The following SEZ6L variants were observed in gnomAD, a reference collection of about 807,000 sequenced individuals.
SEZ6L encodes the protein seizure related 6 homolog like.
In SEZ6L, 37 loss-of-function variants were observed where a neutral mutation model predicts 106.2. That is an observed-to-expected ratio of 0.35 (90% CI 0.27 to 0.46). The LOEUF is 0.46. Ranked by LOEUF, SEZ6L falls within the 20% of genes least tolerant of loss-of-function variation. The pLI is 1.00. For synonymous variants in SEZ6L, 541 were observed against 570.4 expected, an observed-to-expected ratio of 0.95 and a Z score of 0.73; for missense variants, 1,172 against 1,332.8, an observed-to-expected ratio of 0.88 and a Z score of 1.88.
intron 9 of SEZ6L, among the ~76,000 whole-genome samples, chr22:26,332,639 G>T (rs2145971579): frequency 6.6e-6 from 1 of 152,092 alleles, no homozygotes; most frequent in Non-Finnish European, 1.5e-5. Context: ...TAGAGATGGG[G>T]GTTTCACTAT....
At chr22:26,220,842 A>G (rs2078443883) in intron 1 of SEZ6L, among the ~76,000 whole-genome samples, 1 of 152,120 alleles carries the variant, frequency 6.6e-6, no homozygotes, top group South Asian at 2.1e-4. Context: ...AATTGAGAGA[A>G]GGAGAAAGGA....
At chr22:26,268,276 C>G (rs2080252401) in intron 1 of SEZ6L, among the ~76,000 whole-genome samples, 1 of 152,124 alleles carries the variant, frequency 6.6e-6, no homozygotes, top group African/African-American at 2.4e-5. Context: ...AAGGAGATCA[C>G]CCGGTATGAA....
intron 3 of SEZ6L, among the ~76,000 whole-genome samples, chr22:26,295,790 C>T (rs2081284130): frequency 6.6e-6 from 1 of 152,160 alleles, no homozygotes; most frequent in Non-Finnish European, 1.5e-5. Flanking sequence ...GATGCAATGC[C>T]TGCCCTAAAA....
At chr22:26,253,277 A>G (rs2079670902) in intron 1 of SEZ6L, among the ~76,000 whole-genome samples, 1 of 152,140 alleles carries the variant, frequency 6.6e-6, no homozygotes, top group Non-Finnish European at 1.5e-5. Flanking sequence ...CATCACCAGC[A>G]TAGTCTTGGC....
At position 26,306,283 on chromosome 22, in the gene SEZ6L, A is replaced by G. The variant is rs1226650997; in HGVS notation, c.1514+139A>G. Reference sequence around the variant, plus strand: ...AGAAGAGCTGGGGTGGATGGCAAAGATCTTAGACACCATCAGCTTCAATCT... The same window carrying G: ...AGAAGAGCTGGGGTGGATGGCAAAGGTCTTAGACACCATCAGCTTCAATCT... On this transcript the variant is annotated intron_variant, in intron 6 of 16. Transcript: ENST00000248933. The G allele has an allele frequency of 9.7e-6, 9 of 923,848 alleles. No individual in the cohort carries two copies. The Admixed American group carries it at 1.6e-4, about 17-fold the overall frequency. The allele number at this position is 923,848 out of a possible 1,614,324, so 57.2% of individuals were successfully genotyped here.
intron 1 of SEZ6L, among the ~76,000 whole-genome samples, chr22:26,236,114 C>T (rs2078950670): frequency 6.6e-6 from 1 of 152,226 alleles, no homozygotes; most frequent in Non-Finnish European, 1.5e-5. Context: ...TCCCGTCCAC[C>T]AGTTTCCCAG....
chr22:26,210,746 A>G (rs2078133742), intron 1 of SEZ6L, among the ~76,000 whole-genome samples: 1 of 152,196 alleles, frequency 6.6e-6, no homozygotes, highest in Admixed American at 6.5e-5. Context: ...CCAAACTCCT[A>G]ATCAGAAGAG....
chr22:26,171,729 A>G (rs1468204457), intron 1 of SEZ6L, among the ~76,000 whole-genome samples: 1 of 152,214 alleles, frequency 6.6e-6, no homozygotes, highest in African/African-American at 2.4e-5. Flanking sequence ...ATTAAAGTCA[A>G]TTGATGTGCT....
chr22:26,370,071 A>T (rs1284554896), intron 13 of SEZ6L, among the ~76,000 whole-genome samples: 1 of 152,122 alleles, frequency 6.6e-6, no homozygotes, highest in Non-Finnish European at 1.5e-5. Context: ...AGGGAAGAAA[A>T]ATTAGCAGGA....
At chr22:26,351,292 A>C in intron 12 of SEZ6L, 49 bp downstream of exon 12, 1 of 1,561,154 alleles carries the variant, frequency 6.4e-7, no homozygotes, top group Non-Finnish European at 8.8e-7. Flanking sequence ...AAGCAGATTC[A>C]CTTTCTCTTG....
intron 10 of SEZ6L, 94 bp downstream of exon 10, chr22:26,340,726 G>A: frequency 9.8e-7 from 1 of 1,025,378 alleles, no homozygotes. Flanking sequence ...TTGTACTACA[G>A]CGATTTTTCA....
intron 7 of SEZ6L, 51 bp downstream of exon 7, chr22:26,310,887 G>A: frequency 6.4e-7 from 1 of 1,573,120 alleles, no homozygotes; most frequent in Non-Finnish European, 8.7e-7. Context: ...GGGGTAGCCT[G>A]GGAGCAGGGA....
chr22:26,249,247 T>G (rs1170471315), intron 1 of SEZ6L, among the ~76,000 whole-genome samples: 1 of 152,202 alleles, frequency 6.6e-6, no homozygotes, highest in Non-Finnish European at 1.5e-5. Flanking sequence ...CATCTAGTGC[T>G]ATAGAACATG....
chr22:26,351,226 G>A lies in SEZ6L; in HGVS notation c.2582G>A (p.Arg861His), dbSNP rs922397962. ...ACAGGGACTCCCATCTGGACGTCTC[G>A]CCTGCCCCACTGCGTTTGTGAGTCC... ...RETGTPIWTS[R>H]LPHCVSEESL... The change falls in exon 12 of 17, where the codon CGC (arginine) becomes CAC (histidine). Residue 861 changes from arginine to histidine, a missense_variant. Coordinates refer to ENST00000248933, the MANE Select transcript of SEZ6L (RefSeq NM_021115.5). The A allele has an allele frequency of 4.3e-6, 7 of 1,613,680 alleles. No individual in the cohort carries two copies. The highest frequency in any genetic ancestry group is 1.1e-5 in the South Asian group (1 of 91,038).
At chr22:26,234,949 A>G (rs189975430) in intron 1 of SEZ6L, among the ~76,000 whole-genome samples, 1 of 152,290 alleles carries the variant, frequency 6.6e-6, no homozygotes, top group East Asian at 1.9e-4. Flanking sequence ...GATACCCCCA[A>G]CGGCTGATAC....
chr22:26,365,355 T>C lies in SEZ6L; in HGVS notation c.2600-17T>C. On this transcript the variant is annotated splice_polypyrimidine_tract_variant and intron_variant, in intron 12 of 16. Coordinates refer to ENST00000248933, the MANE Select transcript of SEZ6L (RefSeq NM_021115.5). ...TTTGCATCATCTCATCAGAGCTCCT[T>C]CTGGCTTGCATTTCAGCGGAGGAGT... The C allele has an allele frequency of 6.3e-7, 1 of 1,595,670 alleles. No individual in the cohort carries two copies. Among genetic ancestry groups the C allele is most frequent in the Non-Finnish European group, 8.6e-7 (1 of 1,165,034 alleles).
chr22:26,348,687 A>C (rs184300091), intron 11 of SEZ6L, among the ~76,000 whole-genome samples: 1 of 64,466 alleles, frequency 1.6e-5, no homozygotes, highest in East Asian at 5.8e-4. Context: ...AGAAAGAAAG[A>C]AAGAAAGAAA....
chr22:26,341,073 A>T (rs749327009), intron 10 of SEZ6L, among the ~76,000 whole-genome samples: 1 of 151,636 alleles, frequency 6.6e-6, no homozygotes, highest in Non-Finnish European at 1.5e-5. Context: ...CTTCTCAAAC[A>T]TCGTCTTCAC....
At chr22:26,220,961 GGGAAGGAAGAAA>G (rs72292219) in intron 1 of SEZ6L, among the ~76,000 whole-genome samples, 11,742 of 151,528 alleles carry the variant, frequency 0.077, 491 homozygotes, top group Middle Eastern at 0.11. Flanking sequence ...GTTGATTGGA[GGGAAGGAAGAAA>G]GGAAGGAAGG....
Sources: allele counts gnomAD v4.1 joint callset (sites outside exome capture counted in the v4.1 genomes callset), GRCh38; gene constraint gnomAD v4.1.1; transcripts MANE v1.5; gene names NCBI Gene and HGNC (gene_info 2026-07-23, HGNC 2026-07-21).